Variants in RALA observed in about 807,000 individuals in gnomAD.
RALA encodes the protein ras-related protein Ral-A.
Under a neutral mutation model 24.0 loss-of-function variants are expected in RALA, and 5 were observed. The ratio of observed to expected loss-of-function variants is 0.21; its 90% CI spans 0.11 to 0.44. The LOEUF is 0.44. RALA is among the 20% of genes least tolerant of loss of function. The pLI is 0.99. For missense variants in RALA, 95 were observed against 241.2 expected (o/e 0.39, Z 4.01); for synonymous variants, 77 against 83.8 (o/e 0.92, Z 0.44).
At chr7:39,647,273 G>A (rs559508757) in intron 1 of RALA, among the ~76,000 whole-genome samples, 2 of 152,180 alleles carry the variant, frequency 1.3e-5, no homozygotes, top group East Asian at 1.9e-4. Context: ...GAACTCCTGC[G>A]CTCAAGTGGT....
At chr7:39,647,092 G>T (rs1791938560) in intron 1 of RALA, among the ~76,000 whole-genome samples, 1 of 152,022 alleles carries the variant, frequency 6.6e-6, no homozygotes, top group Non-Finnish European at 1.5e-5. Flanking sequence ...ACCCAGGCTG[G>T]AGTGCAGTGG....
rs1415100711 is a variant in RALA at position 39,696,624 on chromosome 7, C to G, written c.324-61C>G. 12 of 1,384,774 alleles carry G rather than the reference C, an allele frequency of 8.7e-6. No individual in the cohort carries two copies. The East Asian group carries it at 2.6e-4, about 30-fold the overall frequency. The allele number at this position is 1,384,774 out of a possible 1,614,324, so 85.8% of individuals were successfully genotyped here. ...TAGGGAAAAATAGGTATGGGGCAAA[C>G]AAGAACTTTCTGTGCTATCCTTATA... On this transcript the variant is annotated intron_variant, in intron 3 of 4. Transcript: ENST00000005257.
At chr7:39,660,341 C>CAA (rs35395402) in intron 1 of RALA, among the ~76,000 whole-genome samples, 1 of 130,144 alleles carries the variant, frequency 7.7e-6, no homozygotes. Flanking sequence ...GACTCCATCT[C>CAA]AAAAAAAAAA....
At position 39,629,886 on chromosome 7, in the gene RALA, T is replaced by A. The variant is rs113751579; in HGVS notation, c.-38+6061T>A. 6.5e-3 allele frequency among the ~76,000 whole-genome samples: 984 copies of A among 152,196 alleles called. 6 individuals carry two copies. Among genetic ancestry groups the A allele is most frequent in the African/African-American group, 0.022 (928 of 41,524 alleles). On this transcript the variant is annotated intron_variant, in intron 1 of 4. Transcript: ENST00000005257. ...TTGGGATTACAGGCATGAGCCACCG[T>A]GCCTGACCCTAATTTTGTATTTTTA...
At chr7:39,673,143 G>A (rs553814503) in intron 1 of RALA, among the ~76,000 whole-genome samples, 4 of 152,090 alleles carry the variant, frequency 2.6e-5, no homozygotes, top group African/African-American at 4.8e-5. Flanking sequence ...AGCCGAGATC[G>A]TGCCCCTGCT....
At chr7:39,654,982 C>T (rs568856953) in intron 1 of RALA, among the ~76,000 whole-genome samples, 5 of 152,308 alleles carry the variant, frequency 3.3e-5, no homozygotes, top group African/African-American at 1.2e-4. Context: ...CTCCTGAGCT[C>T]AAGCAATCCT....
chr7:39,634,037 T>C (rs1380574074), intron 1 of RALA, among the ~76,000 whole-genome samples: 1 of 152,218 alleles, frequency 6.6e-6, no homozygotes, highest in African/African-American at 2.4e-5. Context: ...TCTGTCATTC[T>C]ATTGTTTTCT....
chr7:39,703,464 G>A (rs549461590), intron 4 of RALA, among the ~76,000 whole-genome samples: 6 of 152,158 alleles, frequency 3.9e-5, no homozygotes, highest in East Asian at 1.9e-4. Flanking sequence ...TCCTATGTCC[G>A]TTTGACTCAG....
chr7:39,686,552 C>CT (rs1189014491), intron 1 of RALA, 79 bp from the exon 2 acceptor site: 3 of 803,582 alleles, frequency 3.7e-6, no homozygotes, highest in Non-Finnish European at 6.2e-6. Context: ...ATATTGAACT[C>CT]TAAGGACATA....
At chr7:39,675,275 GGCACTT>G (rs1265776447) in intron 1 of RALA, among the ~76,000 whole-genome samples, 2 of 152,162 alleles carry the variant, frequency 1.3e-5, no homozygotes, top group Non-Finnish European at 1.5e-5. Flanking sequence ...AACTGTATTG[GGCACTT>G]GCGTTTTGAC....
intron 1 of RALA, among the ~76,000 whole-genome samples, chr7:39,669,106 CT>C (rs1447306568): frequency 6.6e-6 from 1 of 152,054 alleles, no homozygotes; most frequent in Non-Finnish European, 1.5e-5. Context: ...GAGCAAGATT[CT>C]GTCTGAATAA....
At chr7:39,682,056 G>GCTCCC (rs1792613271) in intron 1 of RALA, among the ~76,000 whole-genome samples, 3 of 152,196 alleles carry the variant, frequency 2.0e-5, no homozygotes, top group Admixed American at 1.3e-4. Context: ...AGGAGAGCAG[G>GCTCCC]CTCCCTCAGT....
chr7:39,688,763 C>T (rs1053746063), intron 2 of RALA, among the ~76,000 whole-genome samples: 6 of 151,958 alleles, frequency 3.9e-5, no homozygotes, highest in African/African-American at 7.3e-5. Flanking sequence ...TTTGTAGCGA[C>T]GGGGTGTATC....
At position 39,707,995 on chromosome 7, in the gene RALA, T is replaced by G. The variant is rs565260836; in HGVS notation, c.*1750T>G. On this transcript the variant is annotated 3_prime_UTR_variant, in exon 5 of 5. Coordinates refer to ENST00000005257, the MANE Select transcript of RALA (RefSeq NM_005402.4). ...CTTTGCTTTGAGACCTTTCCTCTCC[T>G]GGGTACTGAGGTGCTATGAAGCCAA... is the stretch of plus-strand genomic sequence containing the variant. 3.3e-5 allele frequency: 5 copies of G among 152,776 alleles called. No homozygotes were observed. In the South Asian group the frequency reaches 1.0e-3, roughly 32 times the overall value. 9.5% of individuals were successfully genotyped at this position (152,776 alleles called of 1,614,324 possible).
intron 1 of RALA, among the ~76,000 whole-genome samples, chr7:39,663,629 T>TAA (rs545716511): frequency 1.4e-4 from 20 of 138,058 alleles, no homozygotes; most frequent in South Asian, 2.3e-4. Flanking sequence ...AGGGACATTG[T>TAA]AAAAAAAAAA....
chr7:39,695,568 T>G (rs1348423582), intron 3 of RALA, among the ~76,000 whole-genome samples: 1 of 151,960 alleles, frequency 6.6e-6, no homozygotes, highest in Non-Finnish European at 1.5e-5. Flanking sequence ...CCAGCCAAAT[T>G]TTTTTTCTAT....
At chr7:39,628,158 C>G (rs548722542) in intron 1 of RALA, among the ~76,000 whole-genome samples, 4 of 151,936 alleles carry the variant, frequency 2.6e-5, no homozygotes, top group Admixed American at 6.6e-5. Flanking sequence ...TCCTTCAGAA[C>G]TCAGTTTAGG....
intron 1 of RALA, among the ~76,000 whole-genome samples, chr7:39,662,153 A>G (rs1792203374): frequency 6.6e-6 from 1 of 152,156 alleles, no homozygotes; most frequent in Admixed American, 6.5e-5. Flanking sequence ...CCCTTAGCCC[A>G]GCTTTTGAAA....
chr7:39,647,504 G>A (rs1791946679), intron 1 of RALA, among the ~76,000 whole-genome samples: 1 of 152,190 alleles, frequency 6.6e-6, no homozygotes, highest in African/African-American at 2.4e-5. Context: ...TGTAGGTCTG[G>A]AGTTTCATAG....
Sources: allele counts gnomAD v4.1 joint callset (sites outside exome capture counted in the v4.1 genomes callset), GRCh38; gene constraint gnomAD v4.1.1; transcripts MANE v1.5; gene names NCBI Gene and HGNC (gene_info 2026-07-23, HGNC 2026-07-21).